Variants in IMMP2L observed in about 807,000 individuals in gnomAD.
IMMP2L encodes the protein mitochondrial inner membrane protease subunit 2.
In IMMP2L, 18 loss-of-function variants were observed where a neutral mutation model predicts 19.3. The ratio of observed to expected loss-of-function variants is 0.93; its 90% confidence interval spans 0.64 to 1.38. IMMP2L has a LOEUF of 1.38. Ranked by LOEUF, IMMP2L falls within the 40% of genes most tolerant of loss-of-function variation. The probability of loss-of-function intolerance (pLI) is 0.00; values close to 1 mark genes in which losing one functional copy is unlikely to be tolerated. For synonymous variants in IMMP2L, 76 were observed against 73.0 expected (o/e 1.04, Z -0.21); for missense variants, 233 against 218.2 (o/e 1.07, Z -0.43).
In IMMP2L at chr7:111,064,793, A is replaced by AC. The variant is rs1400736229; in HGVS notation, c.240-101229dup. Among the ~76,000 whole-genome samples, 6 of 152,290 alleles carry AC rather than the reference A, an allele frequency of 3.9e-5. No homozygotes were observed. The East Asian group carries it at 9.7e-4, about 25-fold the overall frequency. ...GTTACAGTGTTGGCTTGGGTGATTGACCCAGACTATCAAGATGAAAGCAGT... is the reference window on the plus strand; with the variant it reads ...GTTACAGTGTTGGCTTGGGTGATTGACCCCAGACTATCAAGATGAAAGCAGT... On this transcript the variant is annotated intron_variant, in intron 3 of 5. Coordinates refer to ENST00000405709, the MANE Select transcript of IMMP2L (RefSeq NM_032549.4).
At chr7:111,520,038 C>T (rs1416603002) in intron 2 of IMMP2L, among the ~76,000 whole-genome samples, 1 of 152,056 alleles carries the variant, frequency 6.6e-6, no homozygotes. Context: ...AGAAAGTCTA[C>T]GTTTCCCTAA....
At chr7:111,114,197 T>C (rs1799571183) in intron 3 of IMMP2L, among the ~76,000 whole-genome samples, 1 of 151,866 alleles carries the variant, frequency 6.6e-6, no homozygotes, top group South Asian at 2.1e-4. Flanking sequence ...CTCTTACAAG[T>C]GTATATAAAT....
chr7:110,723,252 G>A (rs1029501724), intron 5 of IMMP2L, among the ~76,000 whole-genome samples: 7 of 152,156 alleles, frequency 4.6e-5, no homozygotes, highest in Non-Finnish European at 8.8e-5. Context: ...AGTTATGCAT[G>A]TGTGTAAACA....
chr7:110,837,294 A>G (rs1804587585), intron 5 of IMMP2L, among the ~76,000 whole-genome samples: 1 of 151,914 alleles, frequency 6.6e-6, no homozygotes, highest in Admixed American at 6.6e-5. Context: ...GAAGAAAGGG[A>G]GGGAGAAAGA....
At chr7:111,178,094 A>G (rs956711500) in intron 3 of IMMP2L, among the ~76,000 whole-genome samples, 3 of 152,074 alleles carry the variant, frequency 2.0e-5, no homozygotes, top group Admixed American at 2.0e-4. Flanking sequence ...CTACTGAATC[A>G]CAGAACCAAA....
chr7:110,974,562 G>T (rs1180473030), intron 3 of IMMP2L, among the ~76,000 whole-genome samples: 4 of 152,008 alleles, frequency 2.6e-5, no homozygotes, highest in African/African-American at 9.7e-5. Flanking sequence ...GAGCCCCAAA[G>T]CCTTACTGAT....
intron 4 of IMMP2L, among the ~76,000 whole-genome samples, chr7:110,951,834 A>G (rs1817865663): frequency 6.6e-6 from 1 of 152,090 alleles, no homozygotes; most frequent in African/African-American, 2.4e-5. Flanking sequence ...AGCATCCATA[A>G]CTAATTAAAT....
intron 3 of IMMP2L, chr7:111,411,859 C>A: frequency 4.9e-6 from 1 of 204,776 alleles, no homozygotes. Flanking sequence ...ATCATTATTT[C>A]CAGAGTAAGG....
rs745341811 is a variant in IMMP2L, at chr7:111,123,728, A to G, written c.240-160163T>C. 7 of 1,613,794 alleles carry G rather than the reference A, an allele frequency of 4.3e-6. No homozygotes were observed. In the East Asian group the frequency reaches 1.6e-4, roughly 36 times the overall value. On this transcript the variant is annotated intron_variant, in intron 3 of 5. Coordinates refer to ENST00000405709, the MANE Select transcript of IMMP2L (RefSeq NM_032549.4). The surrounding 1 kb of genome is among the most constrained non-coding windows in gnomAD (Gnocchi z 6.4). ...TTAAGAAAAATAGAAGCTACTAACA[A>G]CCCTAGATTGTCTTACATTCACCCC...
At chr7:111,232,886 C>A (rs561255626) in intron 3 of IMMP2L, among the ~76,000 whole-genome samples, 1 of 152,232 alleles carries the variant, frequency 6.6e-6, no homozygotes, top group South Asian at 2.1e-4. Flanking sequence ...TGTCTGCAAT[C>A]CCCTTCTCAG....
intron 3 of IMMP2L, chr7:111,091,247 GAA>G (rs1796831071): frequency 6.6e-6 from 1 of 152,184 alleles, no homozygotes; most frequent in Non-Finnish European, 1.5e-5. Flanking sequence ...TGCCGACTGA[GAA>G]AAAGAGTTCC....
At chr7:111,230,621 ATTCCACCAAATATTT>A (rs1355627525) in intron 3 of IMMP2L, among the ~76,000 whole-genome samples, 1 of 152,134 alleles carries the variant, frequency 6.6e-6, no homozygotes, top group East Asian at 1.9e-4. Context: ...TTATTTATTC[ATTCCACCAAATATTT>A]TTCCACCAAA....
intron 5 of IMMP2L, among the ~76,000 whole-genome samples, chr7:110,805,511 C>T (rs139124713): frequency 8.6e-5 from 13 of 152,028 alleles, no homozygotes; most frequent in Non-Finnish European, 1.6e-4. Context: ...TCTTTAAATA[C>T]GTTAAATCTT....
intron 3 of IMMP2L, among the ~76,000 whole-genome samples, chr7:111,032,002 G>A (rs999195486): frequency 6.9e-6 from 1 of 145,952 alleles, no homozygotes; most frequent in Non-Finnish European, 1.5e-5. Flanking sequence ...GCAGTGGTGC[G>A]ACTTCAGCTC....
chr7:111,460,813 T>G (rs1160567359), intron 3 of IMMP2L, among the ~76,000 whole-genome samples: 1 of 152,068 alleles, frequency 6.6e-6, no homozygotes, highest in Non-Finnish European at 1.5e-5. Flanking sequence ...AATATAAAAA[T>G]ATGGACTATA....
intron 2 of IMMP2L, among the ~76,000 whole-genome samples, chr7:111,517,364 A>T (rs189074556): frequency 1.3e-5 from 2 of 152,092 alleles, no homozygotes; most frequent in Admixed American, 1.3e-4. Context: ...ATTGTGTAGC[A>T]GTGTTTTCAA....
At chr7:110,980,815 G>A (rs921089269) in intron 3 of IMMP2L, among the ~76,000 whole-genome samples, 1 of 152,136 alleles carries the variant, frequency 6.6e-6, no homozygotes, top group African/African-American at 2.4e-5. Context: ...ATACAGATGA[G>A]CTTCTATGCT....
rs150601587 is a variant in IMMP2L at position 110,930,028 on chromosome 7, A to G, written c.305+33472T>C. On this transcript the variant is annotated intron_variant, in intron 4 of 5. Coordinates refer to ENST00000405709, the MANE Select transcript of IMMP2L (RefSeq NM_032549.4). ...GATTTAGTCTTAGCTCAGGAGAAGT[A>G]ATCAGTTCTGAGGCTAATGAGTATA... Among the ~76,000 whole-genome samples, 4 of 152,308 alleles carry G rather than the reference A, an allele frequency of 2.6e-5. No homozygotes were observed. In the East Asian group the frequency reaches 7.7e-4, roughly 29 times the overall value.
chr7:111,223,725 C>G (rs1812771041), intron 3 of IMMP2L, among the ~76,000 whole-genome samples: 1 of 152,026 alleles, frequency 6.6e-6, no homozygotes, highest in African/African-American at 2.4e-5. Flanking sequence ...TCCTGCAGTT[C>G]TTCTTGCAGC....
Sources: allele counts gnomAD v4.1 joint callset (sites outside exome capture counted in the v4.1 genomes callset), GRCh38; gene constraint gnomAD v4.1.1; non-coding constraint Gnocchi (gnomAD v3.1); transcripts MANE v1.5; gene names NCBI Gene and HGNC (gene_info 2026-07-23, HGNC 2026-07-21).